The following RGSL1 variants were observed in gnomAD, a reference collection of about 807,000 sequenced individuals.
RGSL1 encodes regulator of G protein signaling protein-like.
Under a neutral mutation model 124.7 loss-of-function variants are expected in RGSL1, and 97 were observed. The observed-to-expected ratio is 0.78, with a 90% CI of 0.66 to 0.92. The LOEUF is 0.92. RGSL1 is among the 40% of genes least tolerant of loss of function. The pLI, the probability that RGSL1 is intolerant of heterozygous loss-of-function variation, is 0.00. For synonymous variants in RGSL1, 424 were observed against 438.1 expected (o/e 0.97, Z 0.40); for missense variants, 1,233 against 1,288.4 (o/e 0.96, Z 0.66).
chr1:182,460,385 A>G (rs1652721197), intron 4 of RGSL1, among the ~76,000 whole-genome samples: 1 of 152,212 alleles, frequency 6.6e-6, no homozygotes, highest in African/African-American at 2.4e-5. Flanking sequence ...AGCCTGAAAT[A>G]TTGGTATCAA....
At chr1:182,477,841 A>G (rs2102054135) in intron 6 of RGSL1, among the ~76,000 whole-genome samples, 1 of 152,294 alleles carries the variant, frequency 6.6e-6, no homozygotes, top group South Asian at 2.1e-4. Flanking sequence ...GTGTGTGGCA[A>G]AACCAGTCTG....
chr1:182,486,698 G>A (rs1276326275), intron 6 of RGSL1, among the ~76,000 whole-genome samples: 2 of 151,212 alleles, frequency 1.3e-5, no homozygotes, highest in African/African-American at 2.4e-5. Context: ...TTTTTGAGAC[G>A]GCGTTTCATT....
chr1:182,510,071 TCA>T (rs1657285020), intron 9 of RGSL1, among the ~76,000 whole-genome samples: 1 of 42,536 alleles, frequency 2.4e-5, no homozygotes, highest in Non-Finnish European at 4.9e-5. Context: ...TCCCCACATC[TCA>T]GACGATGGGC....
At chr1:182,501,307 C>CTTTTTTTTTTTTTTTTTT (rs141279993) in intron 9 of RGSL1, among the ~76,000 whole-genome samples, 11 of 61,364 alleles carry the variant, frequency 1.8e-4, no homozygotes, top group African/African-American at 3.3e-4. Context: ...TTTTTCTTTT[C>CTTTTTTTTTTTTTTTTTT]TTTTTTTTTT....
chr1:182,521,281 GA>G (rs1658316963), intron 9 of RGSL1, among the ~76,000 whole-genome samples: 1 of 152,130 alleles, frequency 6.6e-6, no homozygotes, highest in African/African-American at 2.4e-5. Context: ...GTGTTGTCCA[GA>G]CTGATTTTAA....
At chr1:182,497,361 A>AATAT (rs1310721374) in intron 9 of RGSL1, among the ~76,000 whole-genome samples, 4 of 147,990 alleles carry the variant, frequency 2.7e-5, no homozygotes, top group African/African-American at 9.9e-5. Flanking sequence ...CTGATATAAA[A>AATAT]ATATATATAT....
intron 6 of RGSL1, among the ~76,000 whole-genome samples, chr1:182,482,071 A>T (rs537024113): frequency 1.3e-5 from 2 of 152,362 alleles, no homozygotes; most frequent in African/African-American, 4.8e-5. Context: ...GGTTATAAGG[A>T]TGGCTTGACC....
At chr1:182,467,051 A>G (rs1653395425) in intron 4 of RGSL1, among the ~76,000 whole-genome samples, 1 of 152,166 alleles carries the variant, frequency 6.6e-6, no homozygotes, top group Non-Finnish European at 1.5e-5. Context: ...TAGGAATCCA[A>G]CTTACAATGG....
intron 2 of RGSL1, 141 bp from the exon 3 acceptor site, chr1:182,458,178 A>G (rs1652504454): frequency 8.1e-6 from 5 of 618,554 alleles, no homozygotes; most frequent in Non-Finnish European, 1.4e-5. Context: ...AAGTTGATGG[A>G]GTAGAATAAA....
intron 10 of RGSL1, 74 bp downstream of exon 10, chr1:182,522,183 A>G: frequency 9.9e-7 from 1 of 1,014,690 alleles, no homozygotes; most frequent in Admixed American, 2.4e-5. Context: ...GTCTAATGGT[A>G]AACTTATCTT....
At chr1:182,450,048 A>T, upstream of RGSL1, 1 of 1,218,964 alleles carries the variant, frequency 8.2e-7, no homozygotes, top group Non-Finnish European at 1.2e-6. Context: ...TCACTGCCAG[A>T]TAGAATCTGG....
chr1:182,488,688 T>C, intron 7 of RGSL1: 1 of 304,814 alleles, frequency 3.3e-6, no homozygotes, highest in South Asian at 4.0e-5. Flanking sequence ...ATCCCGCCAC[T>C]GCACTCCAGC....
intron 4 of RGSL1, among the ~76,000 whole-genome samples, chr1:182,472,032 G>A (rs1653887255): frequency 6.6e-6 from 1 of 152,100 alleles, no homozygotes; most frequent in African/African-American, 2.4e-5. Flanking sequence ...CCTTCTGCAG[G>A]CCATTCTCAG....
chr1:182,515,620 A>T (rs555066439), intron 9 of RGSL1, among the ~76,000 whole-genome samples: 9 of 151,292 alleles, frequency 5.9e-5, no homozygotes, highest in Non-Finnish European at 1.3e-4. Flanking sequence ...TCCTTTAATT[A>T]TTGTATCTTT....
intron 9 of RGSL1, among the ~76,000 whole-genome samples, chr1:182,513,217 T>C (rs1452977479): frequency 6.6e-6 from 1 of 152,224 alleles, no homozygotes; most frequent in East Asian, 1.9e-4. Context: ...ATGACCAACC[T>C]GAGCTACTTC....
chr1:182,450,842 A>T (rs1278446887), intron 1 of RGSL1, among the ~76,000 whole-genome samples: 1 of 152,160 alleles, frequency 6.6e-6, no homozygotes, highest in East Asian at 1.9e-4. Context: ...AACAAACAAA[A>T]GTCCAAAAGA....
At chr1:182,548,871 C>T (rs1161268680) in intron 17 of RGSL1, 47 bp downstream of exon 17, 1 of 1,544,092 alleles carries the variant, frequency 6.5e-7, no homozygotes, top group Admixed American at 2.0e-5. Context: ...GGAAAACACA[C>T]TTAGTTTGGA....
chr1:182,469,729 T>C (rs1034276825), intron 4 of RGSL1, among the ~76,000 whole-genome samples: 1 of 152,150 alleles, frequency 6.6e-6, no homozygotes, highest in Non-Finnish European at 1.5e-5. Context: ...TTATTCACAA[T>C]AGTTAAGTGT....
chr1:182,458,792 G>A lies in RGSL1; in HGVS notation c.171+399G>A, dbSNP rs144609074. Among the ~76,000 whole-genome samples the A allele has an allele frequency of 8.3e-4, 126 of 152,266 alleles. 1 individual carries two copies. In the Middle Eastern group the frequency reaches 0.037, roughly 45 times the overall value. ...CTGGCCTGAGGGAACTACTTGAAAT[G>A]TGAATTGGGAGAGGGAGAAAAAGAG... On this transcript the variant is annotated intron_variant, in intron 3 of 21. Coordinates refer to ENST00000294854, the MANE Select transcript of RGSL1 (RefSeq NM_001137669.2).
Sources: allele counts gnomAD v4.1 joint callset (sites outside exome capture counted in the v4.1 genomes callset), GRCh38; gene constraint gnomAD v4.1.1; transcripts MANE v1.5; gene names NCBI Gene and HGNC (gene_info 2026-07-23, HGNC 2026-07-21).